Variants in SCGN observed in about 807,000 individuals in gnomAD.
The protein encoded by SCGN is secretagogin.
SCGN carries 30 observed loss-of-function variants against 39.7 expected under a neutral mutation model. That is an observed-to-expected ratio of 0.76 (90% CI 0.57 to 1.03). The LOEUF (loss-of-function observed/expected upper bound fraction) is 1.03, where lower values mean the gene tolerates loss of function less well. Ranked by LOEUF, SCGN falls within the 50% of genes least tolerant of loss-of-function variation. The pLI is 0.00. For missense variants in SCGN, 353 were observed against 349.4 expected, an observed-to-expected ratio of 1.01 and a Z score of -0.08; for synonymous variants, 106 against 114.1, an observed-to-expected ratio of 0.93 and a Z score of 0.45.
chr6:25,682,990 C>T (rs1429604451), intron 7 of SCGN, among the ~76,000 whole-genome samples: 1 of 152,200 alleles, frequency 6.6e-6, no homozygotes, highest in Non-Finnish European at 1.5e-5. Flanking sequence ...AATATCTCCT[C>T]AGTAACAGCC....
intron 6 of SCGN, among the ~76,000 whole-genome samples, chr6:25,675,031 G>A (rs1759546894): frequency 6.6e-6 from 1 of 152,078 alleles, no homozygotes; most frequent in South Asian, 2.1e-4. Context: ...GTAAATTAAA[G>A]AAAAATAAAA....
At chr6:25,696,459 A>C (rs553827732) in intron 10 of SCGN, among the ~76,000 whole-genome samples, 6 of 152,252 alleles carry the variant, frequency 3.9e-5, no homozygotes, top group Non-Finnish European at 7.4e-5. Context: ...ATAATATTTC[A>C]CCTGTGGTTA....
At chr6:25,677,546 C>A (rs1033221257) in intron 6 of SCGN, among the ~76,000 whole-genome samples, 6 of 152,008 alleles carry the variant, frequency 3.9e-5, no homozygotes, top group Non-Finnish European at 8.8e-5. Context: ...AAAAAAATAA[C>A]TGCTAAAGAA....
At chr6:25,675,548 G>A (rs913689801) in intron 6 of SCGN, among the ~76,000 whole-genome samples, 2 of 152,238 alleles carry the variant, frequency 1.3e-5, no homozygotes, top group Non-Finnish European at 2.9e-5. Context: ...TCTTTTGGAC[G>A]TGAGTCGGCT....
At chr6:25,657,693 A>G (rs189691234) in intron 2 of SCGN, among the ~76,000 whole-genome samples, 1 of 148,936 alleles carries the variant, frequency 6.7e-6, no homozygotes, top group Non-Finnish European at 1.5e-5. Context: ...GTATATATAT[A>G]TGTGTATGTG....
intron 6 of SCGN, among the ~76,000 whole-genome samples, chr6:25,672,200 C>T (rs534524105): frequency 6.6e-6 from 1 of 152,336 alleles, no homozygotes; most frequent in South Asian, 2.1e-4. Context: ...ATATCATTAT[C>T]TTAGCCTCTT....
In SCGN at chr6:25,654,855, C is replaced by T. The variant is rs115909298; in HGVS notation, c.153+1403C>T. Among the ~76,000 whole-genome samples the T allele has an allele frequency of 9.1e-3, 1,379 of 152,306 alleles. 17 individuals are homozygous for T. The highest frequency in any genetic ancestry group is 0.03 in the African/African-American group (1,242 of 41,568). ...CCTGTGAAGTGAAAGGATCAGCAGA[C>T]GAGAAGGATAGAGACACAAGTCCCT... On this transcript the variant is annotated intron_variant, in intron 2 of 10. Coordinates refer to ENST00000377961, the MANE Select transcript of SCGN (RefSeq NM_006998.4).
At chr6:25,661,417 T>C in intron 2 of SCGN, 135 bp from the exon 3 acceptor site, 2 of 614,732 alleles carry the variant, frequency 3.3e-6, no homozygotes, top group Non-Finnish European at 5.7e-6. Context: ...GTAAAATCAC[T>C]TTAAATGGTC....
chr6:25,675,863 A>G (rs1759557531), intron 6 of SCGN, among the ~76,000 whole-genome samples: 2 of 152,176 alleles, frequency 1.3e-5, no homozygotes, highest in Admixed American at 1.3e-4. Context: ...CACGGTTTTG[A>G]AGACCAACTA....
intron 9 of SCGN, among the ~76,000 whole-genome samples, chr6:25,690,377 T>C (rs889297758): frequency 2.0e-5 from 3 of 152,210 alleles, no homozygotes; most frequent in African/African-American, 7.2e-5. Context: ...GCCTGACAAG[T>C]ACTATATAAG....
chr6:25,692,799 G>A (rs746414917), intron 10 of SCGN, among the ~76,000 whole-genome samples: 6 of 152,130 alleles, frequency 3.9e-5, no homozygotes, highest in Non-Finnish European at 7.3e-5. Context: ...GCCTTGGTTG[G>A]GGGTGGCTGC....
At chr6:25,659,616 A>G (rs1444815044) in intron 2 of SCGN, among the ~76,000 whole-genome samples, 1 of 152,198 alleles carries the variant, frequency 6.6e-6, no homozygotes, top group Non-Finnish European at 1.5e-5. Context: ...GTTTTGATTT[A>G]TAGTTGCAGC....
At chr6:25,681,785 A>G (rs1405114984) in intron 6 of SCGN, among the ~76,000 whole-genome samples, 166 bp from the exon 7 acceptor site, 1 of 152,234 alleles carries the variant, frequency 6.6e-6, no homozygotes, top group African/African-American at 2.4e-5. Flanking sequence ...AGAGAGGCTG[A>G]CATGCAATTC....
Position 25,701,447 on chromosome 6 carries a change from T to A in SCGN, c.*112T>A. On this transcript the variant is annotated 3_prime_UTR_variant, in exon 11 of 11. Coordinates refer to ENST00000377961, the MANE Select transcript of SCGN (RefSeq NM_006998.4). ...GTGGGCAAACTCACAAATGGTGTGC[T>A]ATTCTTGGGCAAGAACAGGGACGCT... 1 of 1,410,872 alleles carries A rather than the reference T, an allele frequency of 7.1e-7. No homozygotes were observed. 87.4% of individuals were successfully genotyped at this position (1,410,872 alleles called of 1,614,324 possible).
chr6:25,689,348 C>A, intron 8 of SCGN, 125 bp from the exon 9 acceptor site: 2 of 1,157,940 alleles, frequency 1.7e-6, no homozygotes, highest in Non-Finnish European at 2.5e-6. Flanking sequence ...CAAGGATCAG[C>A]ATGGAATCAA....
chr6:25,652,698 C>G (rs939842773), intron 1 of SCGN, among the ~76,000 whole-genome samples: 1 of 152,158 alleles, frequency 6.6e-6, no homozygotes, highest in Non-Finnish European at 1.5e-5. Context: ...TGAATTTCCA[C>G]TTTCCCCTTT....
At chr6:25,681,353 G>A (rs1759634978) in intron 6 of SCGN, among the ~76,000 whole-genome samples, 1 of 152,116 alleles carries the variant, frequency 6.6e-6, no homozygotes, top group African/African-American at 2.4e-5. Flanking sequence ...GCTAAATGAG[G>A]GCTAGAATAA....
chr6:25,682,733 A>AGCAGGGCAGCAGTTACAGGCT (rs1759653639), intron 7 of SCGN, among the ~76,000 whole-genome samples: 1 of 152,208 alleles, frequency 6.6e-6, no homozygotes, highest in African/African-American at 2.4e-5. Flanking sequence ...GGTAATTGTA[A>AGCAGGGCAGCAGTTACAGGCT]GCAGGGCAGC....
chr6:25,675,836 G>A (rs1433772839), intron 6 of SCGN, among the ~76,000 whole-genome samples: 3 of 152,098 alleles, frequency 2.0e-5, no homozygotes, highest in Admixed American at 2.0e-4. Context: ...CTCACTCTTG[G>A]TGATCTCAAC....
Sources: allele counts gnomAD v4.1 joint callset (sites outside exome capture counted in the v4.1 genomes callset), GRCh38; gene constraint gnomAD v4.1.1; transcripts MANE v1.5; gene names NCBI Gene and HGNC (gene_info 2026-07-23, HGNC 2026-07-21).